PLD5: variants seen among roughly 807,000 people sequenced by gnomAD.
PLD5 encodes the protein phospholipase D family member 5, also known as inactive phospholipase D5.
A neutral mutation model predicts 61.1 loss-of-function variants in PLD5; 36 were observed. That is an observed-to-expected ratio of 0.59 (90% CI 0.45 to 0.78). The LOEUF (loss-of-function observed/expected upper bound fraction) is 0.78. PLD5 is among the 30% of genes least tolerant of loss of function. The probability of loss-of-function intolerance (pLI) is 0.00; values close to 1 mark genes in which losing one functional copy is unlikely to be tolerated. For missense variants in PLD5, 515 were observed against 644.4 expected (o/e 0.80, Z 2.17); for synonymous variants, 243 against 242.8 (o/e 1.00, Z -0.01).
chr1:242,158,003 C>T (rs1574414862), intron 5 of PLD5, among the ~76,000 whole-genome samples: 1 of 152,146 alleles, frequency 6.6e-6, no homozygotes, highest in Non-Finnish European at 1.5e-5. Context: ...CAGAGATGCC[C>T]TTCCCAGAGG....
intron 4 of PLD5, among the ~76,000 whole-genome samples, chr1:242,251,543 G>A (rs1249800062): frequency 6.6e-6 from 1 of 152,160 alleles, no homozygotes; most frequent in African/African-American, 2.4e-5. Context: ...TAGTTTCAGT[G>A]GAGTCAGGGC....
chr1:242,182,527 A>G (rs535113808), intron 5 of PLD5, among the ~76,000 whole-genome samples: 2 of 152,166 alleles, frequency 1.3e-5, no homozygotes, highest in Non-Finnish European at 2.9e-5. Context: ...TCCCAAATAC[A>G]ATCAAGGGCA....
chr1:242,296,379 A>T (rs1375700803), intron 2 of PLD5, among the ~76,000 whole-genome samples: 1 of 152,198 alleles, frequency 6.6e-6, no homozygotes, highest in Non-Finnish European at 1.5e-5. Context: ...TCTTTAGTTT[A>T]ATTAATTGCC....
intron 1 of PLD5, among the ~76,000 whole-genome samples, chr1:242,420,429 A>G (rs1232403977): frequency 6.6e-6 from 1 of 152,152 alleles, no homozygotes; most frequent in African/African-American, 2.4e-5. Context: ...TCCGTTACAC[A>G]GTTTCCTACT....
intron 1 of PLD5, among the ~76,000 whole-genome samples, chr1:242,469,662 C>T (rs1667379248): frequency 6.6e-6 from 1 of 152,134 alleles, no homozygotes; most frequent in Non-Finnish European, 1.5e-5. Context: ...AGACACAAGC[C>T]ACTATGCCCA....
chr1:242,264,748 A>G (rs971989137), intron 4 of PLD5, among the ~76,000 whole-genome samples: 1 of 152,178 alleles, frequency 6.6e-6, no homozygotes, highest in African/African-American at 2.4e-5. Context: ...AACAGTAAAA[A>G]CTATTTGGAT....
At chr1:242,236,840 C>A (rs1033349250) in intron 4 of PLD5, among the ~76,000 whole-genome samples, 2 of 152,188 alleles carry the variant, frequency 1.3e-5, no homozygotes, top group Non-Finnish European at 2.9e-5. Context: ...AGAATTCCTC[C>A]ATTTCTAAAC....
At chr1:242,380,465 T>C (rs1418187336) in intron 1 of PLD5, among the ~76,000 whole-genome samples, 2 of 152,196 alleles carry the variant, frequency 1.3e-5, no homozygotes, top group African/African-American at 4.8e-5. Flanking sequence ...GAAACCAAGA[T>C]GGAAGTACTA....
intron 1 of PLD5, among the ~76,000 whole-genome samples, chr1:242,432,202 A>G (rs895211447): frequency 6.6e-6 from 1 of 152,200 alleles, no homozygotes. Context: ...TTTACAGCAT[A>G]TTTTTGTTTT....
Position 242,394,820 on chromosome 1 carries a change from A to ATG in PLD5, c.190-46579_190-46578insCA, listed in dbSNP as rs1206314870. Among the ~76,000 whole-genome samples, 6 of 126,410 alleles carry ATG rather than the reference A, an allele frequency of 4.7e-5. 2 individuals carry two copies. In the East Asian group the frequency reaches 1.4e-3, roughly 28 times the overall value. The allele number at this position is 126,410 out of a possible 152,430, so 82.9% of individuals were successfully genotyped here. On this transcript the variant is annotated intron_variant, in intron 1 of 9. Transcript: ENST00000536534. ...TATATGTGTATATATGTGAATATAT[A>ATG]TACATATATGTGAATATATATACAT...
chr1:242,245,262 C>G (rs1312786134), intron 4 of PLD5, among the ~76,000 whole-genome samples: 1 of 152,198 alleles, frequency 6.6e-6, no homozygotes, highest in African/African-American at 2.4e-5. Context: ...GCTACTCTTT[C>G]AATAATGCCT....
chr1:242,273,775 G>A (rs1674249244), intron 3 of PLD5, among the ~76,000 whole-genome samples: 1 of 152,188 alleles, frequency 6.6e-6, no homozygotes, highest in South Asian at 2.1e-4. Context: ...GGGCAAAAGG[G>A]GATTTGACAC....
intron 1 of PLD5, among the ~76,000 whole-genome samples, chr1:242,388,738 C>T (rs1662743994): frequency 6.6e-6 from 1 of 151,914 alleles, no homozygotes; most frequent in Non-Finnish European, 1.5e-5. Context: ...GGGTGGATCA[C>T]GAGGTCAGGA....
intron 9 of PLD5, among the ~76,000 whole-genome samples, chr1:242,092,374 G>A (rs1005581983): frequency 6.6e-6 from 1 of 151,974 alleles, no homozygotes; most frequent in Non-Finnish European, 1.5e-5. Flanking sequence ...GGCTCAAAGG[G>A]GTGAATAAAT....
At chr1:242,506,952 C>T (rs1007852926) in intron 1 of PLD5, among the ~76,000 whole-genome samples, 4 of 152,092 alleles carry the variant, frequency 2.6e-5, no homozygotes, top group South Asian at 2.1e-4. Flanking sequence ...GTGATCACAG[C>T]GGGAGCCACC....
intron 2 of PLD5, among the ~76,000 whole-genome samples, chr1:242,318,110 AGAC>A (rs1658135538): frequency 6.6e-6 from 1 of 152,220 alleles, no homozygotes; most frequent in Non-Finnish European, 1.5e-5. Flanking sequence ...TCGCCTAAGA[AGAC>A]AAACAAAAAG....
chr1:242,489,256 GGGT>G lies in PLD5; in HGVS notation c.189+34829_189+34831del. ...TGAGTCCATCATCCGTCCCTTTTTG[GGGT>G]GATGGAGGCATTATATATCTTGATT... On this transcript the variant is annotated intron_variant, in intron 1 of 9. Transcript: ENST00000536534. Among the ~76,000 whole-genome samples the G allele has an allele frequency of 2.0e-5, 3 of 152,120 alleles. No individual in the cohort carries two copies. The Middle Eastern group carries it at 0.01, about 517-fold the overall frequency.
In PLD5 at chr1:242,499,135, A is replaced by G. The variant is rs182510526; in HGVS notation, c.189+24953T>C. On this transcript the variant is annotated intron_variant, in intron 1 of 9. Coordinates refer to ENST00000536534, the MANE Select transcript of PLD5 (RefSeq NM_001372062.1). The stretch of plus-strand genomic sequence containing the variant: ...TTGACAGTATTATTTTTAAAATGAT[A>G]AAAGAAGTTTTACTATTCCTTTAAT... 3.9e-4 allele frequency among the ~76,000 whole-genome samples: 59 copies of G among 152,330 alleles called. 1 individual carries two copies. In the East Asian group the frequency reaches 0.01, roughly 26 times the overall value.
intron 1 of PLD5, among the ~76,000 whole-genome samples, chr1:242,492,915 C>G (rs1026023843): frequency 1.3e-5 from 2 of 152,090 alleles, no homozygotes; most frequent in Admixed American, 6.5e-5. Context: ...TAATCACCTC[C>G]CAAAGGCTCT....
Sources: allele counts gnomAD v4.1 joint callset (sites outside exome capture counted in the v4.1 genomes callset), GRCh38; gene constraint gnomAD v4.1.1; transcripts MANE v1.5; gene names NCBI Gene and HGNC (gene_info 2026-07-23, HGNC 2026-07-21).